PGM2L1: variants seen among roughly 807,000 people sequenced by gnomAD.
PGM2L1 encodes phosphoglucomutase 2 like 1.
A neutral mutation model predicts 73.4 loss-of-function variants in PGM2L1; 35 were observed. The ratio of observed to expected loss-of-function variants is 0.48; its 90% CI spans 0.36 to 0.63. The LOEUF is 0.63. Ranked by LOEUF, PGM2L1 falls within the 30% of genes least tolerant of loss-of-function variation. PGM2L1 has a pLI of 0.00. For synonymous variants in PGM2L1, 225 were observed against 253.8 expected (o/e 0.89, Z 1.08); for missense variants, 570 against 742.0 (o/e 0.77, Z 2.69).
chr11:74,352,624 G>A (rs1203894424), intron 5 of PGM2L1, among the ~76,000 whole-genome samples: 2 of 152,154 alleles, frequency 1.3e-5, no homozygotes, highest in Non-Finnish European at 2.9e-5. Context: ...TTGAATCTGT[G>A]CTATGTACTA....
intron 8 of PGM2L1, among the ~76,000 whole-genome samples, 169 bp downstream of exon 8, chr11:74,346,563 A>T (rs1862269982): frequency 6.6e-6 from 1 of 152,206 alleles, no homozygotes; most frequent in African/African-American, 2.4e-5. Context: ...TTTAAAAGAC[A>T]GGAAAGAATT....
intron 5 of PGM2L1, among the ~76,000 whole-genome samples, chr11:74,361,260 C>T (rs1013813474): frequency 1.3e-5 from 2 of 152,216 alleles, no homozygotes; most frequent in African/African-American, 4.8e-5. Flanking sequence ...TGTTCTGCAG[C>T]CTCCACTGCT....
chr11:74,394,859 T>C (rs1426262498), intron 1 of PGM2L1, among the ~76,000 whole-genome samples: 3 of 152,174 alleles, frequency 2.0e-5, no homozygotes, highest in Non-Finnish European at 2.9e-5. Flanking sequence ...TTAAAACTTA[T>C]TATATGCCTC....
chr11:74,380,791 G>A (rs558129488), intron 1 of PGM2L1, among the ~76,000 whole-genome samples: 4 of 151,950 alleles, frequency 2.6e-5, no homozygotes, highest in Non-Finnish European at 5.9e-5. Context: ...CTCATATAAG[G>A]TAGTCAACAT....
intron 1 of PGM2L1, among the ~76,000 whole-genome samples, chr11:74,391,889 A>G (rs2134956412): frequency 6.6e-6 from 1 of 152,334 alleles, no homozygotes; most frequent in South Asian, 2.1e-4. Context: ...CCTCTTAAAT[A>G]GAATGGCCAG....
intron 1 of PGM2L1, 139 bp from the exon 2 acceptor site, chr11:74,374,721 T>C: frequency 1.5e-6 from 1 of 657,786 alleles, no homozygotes; most frequent in Non-Finnish European, 2.4e-6. Flanking sequence ...TTTGTATGTA[T>C]AATAAAATAA....
intron 2 of PGM2L1, among the ~76,000 whole-genome samples, chr11:74,373,179 C>G (rs1862801323): frequency 6.6e-6 from 1 of 152,172 alleles, no homozygotes; most frequent in South Asian, 2.1e-4. Flanking sequence ...AATTGCTTTT[C>G]AAACACCTCC....
intron 1 of PGM2L1, among the ~76,000 whole-genome samples, chr11:74,390,044 G>A (rs1171903176): frequency 1.4e-5 from 2 of 148,118 alleles, no homozygotes; most frequent in East Asian, 4.0e-4. Flanking sequence ...GCGTGAACCC[G>A]GGAGGCAGAG....
chr11:74,389,832 G>T (rs143096764), intron 1 of PGM2L1, among the ~76,000 whole-genome samples: 1 of 149,068 alleles, frequency 6.7e-6, no homozygotes, highest in African/African-American at 2.5e-5. Flanking sequence ...GGCCGGGTGC[G>T]GTGGCTCACG....
chr11:74,383,697 GT>G (rs1862979597), intron 1 of PGM2L1, among the ~76,000 whole-genome samples: 1 of 151,770 alleles, frequency 6.6e-6, no homozygotes, highest in Non-Finnish European at 1.5e-5. Context: ...AACATGCGGT[GT>G]TCGGTTTTCT....
chr11:74,381,919 A>G (rs1229284859), intron 1 of PGM2L1, among the ~76,000 whole-genome samples: 2 of 151,946 alleles, frequency 1.3e-5, no homozygotes, highest in African/African-American at 2.4e-5. Flanking sequence ...ACCCCCACCA[A>G]TGGTAACCTA....
intron 1 of PGM2L1, among the ~76,000 whole-genome samples, chr11:74,375,570 GAAT>G (rs759337906): frequency 4.1e-4 from 62 of 152,022 alleles, no homozygotes; most frequent in African/African-American, 1.4e-3. Context: ...TGAATATTCA[GAAT>G]AATAAACCAG....
chr11:74,354,705 A>G, intron 5 of PGM2L1: 3 of 1,079,284 alleles, frequency 2.8e-6, no homozygotes, highest in South Asian at 2.5e-5. Context: ...AACCAAAGAG[A>G]GCTGTTTCAA....
At position 74,374,437 on chromosome 11, in the gene PGM2L1, AG is replaced by A; in HGVS notation, c.256del (p.Thr87GlnfsTer2). 1 of 1,613,272 alleles carries A rather than the reference AG, an allele frequency of 6.2e-7. No individual in the cohort carries two copies. Among genetic ancestry groups the A allele is most frequent in the Non-Finnish European group, 8.5e-7 (1 of 1,179,436 alleles). On this transcript the variant is annotated frameshift_variant, in exon 2 of 14. Transcript: ENST00000298198. LOFTEE classifies it high-confidence loss of function. ...TACCTGTGTTGACTGTATTACTGTA[AG>A]GTCATTAATATAGCAAAACCCTGCC... ...MGAGFCYIND[L>X]TVIQSTQGMY... is the part of the protein sequence containing the mutation.
At chr11:74,354,444 T>G in intron 5 of PGM2L1, 1 of 732,528 alleles carries the variant, frequency 1.4e-6, no homozygotes, top group South Asian at 1.7e-5. Context: ...CCTGCTGTCA[T>G]GTCTAAGTCA....
chr11:74,386,288 T>C lies in PGM2L1; in HGVS notation c.112-11706A>G, dbSNP rs185593827. 9.9e-4 allele frequency among the ~76,000 whole-genome samples: 150 copies of C among 152,108 alleles called. 1 individual carries two copies. The highest frequency in any genetic ancestry group is 3.1e-3 in the African/African-American group (130 of 41,520). Reference sequence around the variant, plus strand: ...ATATGAAAATATACAACCTCACTTATAAGAAAAATGGAAATTAAAGCTAAA... The same window carrying C: ...ATATGAAAATATACAACCTCACTTACAAGAAAAATGGAAATTAAAGCTAAA... On this transcript the variant is annotated intron_variant, in intron 1 of 13. Coordinates refer to ENST00000298198, the MANE Select transcript of PGM2L1 (RefSeq NM_173582.6).
rs1862861108 is a variant in PGM2L1, at chr11:74,376,784, GGTAA to G, written c.112-2206_112-2203del. Among the ~76,000 whole-genome samples the G allele has an allele frequency of 2.0e-5, 3 of 151,772 alleles. No individual in the cohort carries two copies. In the South Asian group the frequency reaches 6.2e-4, roughly 32 times the overall value. On this transcript the variant is annotated intron_variant, in intron 1 of 13. Coordinates refer to ENST00000298198, the MANE Select transcript of PGM2L1 (RefSeq NM_173582.6). ...CCTAATTCCTGGTTGTTGAAAAACT[GGTAA>G]GTTAGAGAAAAATAAAAATGAATAA...
intron 5 of PGM2L1, chr11:74,355,626 C>A: frequency 2.2e-6 from 1 of 458,100 alleles, no homozygotes; most frequent in African/African-American, 2.0e-5. Flanking sequence ...AGCTCTGGCC[C>A]CTATGGTGGT....
intron 5 of PGM2L1, chr11:74,355,467 T>C (rs1862429472): frequency 2.6e-6 from 1 of 382,484 alleles, no homozygotes; most frequent in East Asian, 6.1e-5. Flanking sequence ...GGCAGGAGAA[T>C]GGCGTGAACC....
Sources: allele counts gnomAD v4.1 joint callset (sites outside exome capture counted in the v4.1 genomes callset), GRCh38; gene constraint gnomAD v4.1.1; transcripts MANE v1.5; gene names NCBI Gene and HGNC (gene_info 2026-07-23, HGNC 2026-07-21).